Variants in PPA2 observed in about 807,000 individuals in gnomAD.
PPA2 encodes the protein inorganic pyrophosphatase 2, mitochondrial.
In PPA2, 48 loss-of-function variants were observed where a neutral mutation model predicts 49.5. The ratio of observed to expected loss-of-function variants is 0.97; its 90% CI spans 0.77 to 1.23. The LOEUF (loss-of-function observed/expected upper bound fraction) is 1.23. Among genes scored for constraint, PPA2 ranks in the 50% most tolerant of loss-of-function variants. PPA2 has a pLI of 0.00. For synonymous variants in PPA2, 131 were observed against 139.9 expected, an observed-to-expected ratio of 0.94 and a Z score of 0.45; for missense variants, 429 against 410.1, an observed-to-expected ratio of 1.05 and a Z score of -0.40.
At chr4:105,456,471 T>TA (rs1722879839) in intron 2 of PPA2, 1 of 522,312 alleles carries the variant, frequency 1.9e-6, no homozygotes, top group Non-Finnish European at 3.5e-6. Flanking sequence ...TATGTACCAG[T>TA]AACACCCCTT....
intron 6 of PPA2, among the ~76,000 whole-genome samples, chr4:105,426,450 T>A (rs562736027): frequency 1.3e-5 from 2 of 152,356 alleles, no homozygotes; most frequent in South Asian, 2.1e-4. Flanking sequence ...CATGAGTGAC[T>A]GTACCTGGAG....
chr4:105,447,528 G>A (rs115219251), intron 4 of PPA2, among the ~76,000 whole-genome samples: 2,417 of 152,156 alleles, frequency 0.016, 59 homozygotes, highest in African/African-American at 0.055. Context: ...AATTTCAAAT[G>A]TTCTCACCAC....
chr4:105,405,853 G>A, intron 7 of PPA2: 1 of 457,692 alleles, frequency 2.2e-6, no homozygotes, highest in Non-Finnish European at 4.4e-6. Context: ...GAATCCTGAT[G>A]TGCAGGCAGG....
chr4:105,461,344 T>G (rs1723083674), intron 1 of PPA2, among the ~76,000 whole-genome samples: 2 of 152,114 alleles, frequency 1.3e-5, no homozygotes, highest in Admixed American at 1.3e-4. Context: ...AAAGGTGAAG[T>G]GGAAAACATG....
At chr4:105,396,588 C>T (rs769493359) in intron 8 of PPA2, among the ~76,000 whole-genome samples, 1 of 152,100 alleles carries the variant, frequency 6.6e-6, no homozygotes, top group Non-Finnish European at 1.5e-5. Flanking sequence ...CAGGGGTTGG[C>T]AAACTAGGAA....
intron 10 of PPA2, among the ~76,000 whole-genome samples, chr4:105,381,237 CT>C (rs991998166): frequency 6.6e-6 from 1 of 151,900 alleles, no homozygotes; most frequent in Non-Finnish European, 1.5e-5. Context: ...ACTGGGTTAT[CT>C]TTTTCTTGTG....
intron 1 of PPA2, among the ~76,000 whole-genome samples, chr4:105,470,553 A>C (rs536869900): frequency 6.6e-6 from 1 of 152,356 alleles, no homozygotes; most frequent in South Asian, 2.1e-4. Context: ...AACCTTCTGA[A>C]ACCTATAAAT....
chr4:105,422,634 A>G (rs1327208923), intron 7 of PPA2, among the ~76,000 whole-genome samples: 1 of 135,546 alleles, frequency 7.4e-6, no homozygotes, highest in African/African-American at 2.5e-5. Context: ...GTACTGAGCA[A>G]TTCACACATT....
At chr4:105,412,487 G>T (rs920859924) in intron 7 of PPA2, among the ~76,000 whole-genome samples, 1 of 152,128 alleles carries the variant, frequency 6.6e-6, no homozygotes, top group Non-Finnish European at 1.5e-5. Context: ...TTGACAAATG[G>T]GATCTAATTA....
intron 7 of PPA2, among the ~76,000 whole-genome samples, chr4:105,414,553 G>C (rs569850737): frequency 3.9e-5 from 6 of 152,310 alleles, no homozygotes; most frequent in African/African-American, 1.2e-4. Flanking sequence ...GGCAAACCCC[G>C]CAAGTGGCTT....
At chr4:105,373,996 T>G (rs1296979740) in intron 10 of PPA2, among the ~76,000 whole-genome samples, 1 of 152,116 alleles carries the variant, frequency 6.6e-6, no homozygotes, top group Non-Finnish European at 1.5e-5. Flanking sequence ...AATATAACAT[T>G]TACTTACAGA....
At chr4:105,432,865 G>A (rs1723878542) in intron 6 of PPA2, among the ~76,000 whole-genome samples, 1 of 152,180 alleles carries the variant, frequency 6.6e-6, no homozygotes, top group African/African-American at 2.4e-5. Flanking sequence ...TCCAGTACAA[G>A]ATACCTGGGA....
intron 1 of PPA2, among the ~76,000 whole-genome samples, chr4:105,457,847 G>A (rs1186098481): frequency 6.6e-6 from 1 of 152,152 alleles, no homozygotes; most frequent in Non-Finnish European, 1.5e-5. Flanking sequence ...TTACAGGTGT[G>A]AGCCACTGCA....
At chr4:105,400,284 G>A (rs1734310216) in intron 7 of PPA2, among the ~76,000 whole-genome samples, 1 of 149,954 alleles carries the variant, frequency 6.7e-6, no homozygotes. Flanking sequence ...TTATTCAGAG[G>A]GGAAAAAAAT....
intron 10 of PPA2, among the ~76,000 whole-genome samples, chr4:105,378,605 T>G (rs1415581725): frequency 6.6e-6 from 1 of 152,104 alleles, no homozygotes; most frequent in African/African-American, 2.4e-5. Context: ...AAGTCCTATT[T>G]ATCATTTTAA....
chr4:105,389,654 A>AT lies in PPA2; in HGVS notation c.870-3019dup, dbSNP rs561207664. ...ATTACATATAAAAATAATAAAGTATATTACTAGACAGATAATAGTGTTTTG... is the reference window on the plus strand; with the variant it reads ...ATTACATATAAAAATAATAAAGTATATTTACTAGACAGATAATAGTGTTTTG... On this transcript the variant is annotated intron_variant, in intron 9 of 11. Transcript: ENST00000341695. Among the ~76,000 whole-genome samples the AT allele has an allele frequency of 2.8e-3, 421 of 152,208 alleles. 2 individuals carry two copies. The highest frequency in any genetic ancestry group is 9.6e-3 in the African/African-American group (397 of 41,548).
intron 6 of PPA2, among the ~76,000 whole-genome samples, chr4:105,432,191 T>G (rs1029628854): frequency 1.3e-5 from 2 of 152,198 alleles, no homozygotes; most frequent in Non-Finnish European, 2.9e-5. Context: ...TCCTATCCCT[T>G]AAGTCCTCTC....
At chr4:105,461,578 T>G (rs6831101) in intron 1 of PPA2, among the ~76,000 whole-genome samples, 3,954 of 152,278 alleles carry the variant, frequency 0.026, 162 homozygotes, top group African/African-American at 0.085. Context: ...GCAGGCATAG[T>G]TGACCTCCCC....
At chr4:105,448,612 T>C (rs1722515217) in intron 4 of PPA2, among the ~76,000 whole-genome samples, 1 of 149,644 alleles carries the variant, frequency 6.7e-6, no homozygotes, top group African/African-American at 2.4e-5. Flanking sequence ...AAATAGCAGA[T>C]GCTCTGTGAT....
Sources: allele counts gnomAD v4.1 joint callset (sites outside exome capture counted in the v4.1 genomes callset), GRCh38; gene constraint gnomAD v4.1.1; transcripts MANE v1.5; gene names NCBI Gene and HGNC (gene_info 2026-07-23, HGNC 2026-07-21).